The following RALGAPA1 variants were observed in gnomAD, a reference collection of about 807,000 sequenced individuals.
RALGAPA1 encodes ral GTPase-activating protein subunit alpha-1.
Under a neutral mutation model 269.6 loss-of-function variants are expected in RALGAPA1, and 52 were observed. That is an observed-to-expected ratio of 0.19 (90% confidence interval 0.15 to 0.24). The LOEUF is 0.24. Ranked by LOEUF, RALGAPA1 falls within the 10% of genes least tolerant of loss-of-function variation. RALGAPA1 has a pLI of 1.00. For missense variants in RALGAPA1, 1,917 were observed against 3,013.9 expected (o/e 0.64, Z 8.52); for synonymous variants, 817 against 1,008.3 (o/e 0.81, Z 3.60).
chr14:35,589,234 C>T (rs943669144), intron 37 of RALGAPA1, among the ~76,000 whole-genome samples: 2 of 152,020 alleles, frequency 1.3e-5, no homozygotes, highest in Non-Finnish European at 2.9e-5. Flanking sequence ...TTTCCTTAAA[C>T]GGAGAGAGTC....
At chr14:35,710,066 C>T (rs148896746) in intron 16 of RALGAPA1, among the ~76,000 whole-genome samples, 6 of 152,276 alleles carry the variant, frequency 3.9e-5, no homozygotes, top group African/African-American at 1.4e-4. Context: ...GTGCTATTCA[C>T]TTCATTTATG....
chr14:35,585,769 T>G (rs1405565040), intron 37 of RALGAPA1, among the ~76,000 whole-genome samples: 1 of 152,136 alleles, frequency 6.6e-6, no homozygotes, highest in East Asian at 1.9e-4. Context: ...TGTAGATGTG[T>G]GGTTTTATTT....
intron 36 of RALGAPA1, among the ~76,000 whole-genome samples, chr14:35,603,318 T>C (rs1323216158): frequency 6.6e-6 from 1 of 152,128 alleles, no homozygotes; most frequent in Non-Finnish European, 1.5e-5. Flanking sequence ...CTTAGGATGT[T>C]TTTTATACTT....
chr14:35,605,714 A>C lies in RALGAPA1; in HGVS notation c.6930-5T>G. On this transcript the variant is annotated splice_region_variant and splice_polypyrimidine_tract_variant and intron_variant, in intron 35 of 41. Coordinates refer to ENST00000680220, the MANE Select transcript of RALGAPA1 (RefSeq NM_001346249.2). Reference sequence around the variant, plus strand: ...GCAATCTTGTGTGTCTCTCGGCTATAAAACAAAAGATTACACCATTAATTT... The same window carrying C: ...GCAATCTTGTGTGTCTCTCGGCTATCAAACAAAAGATTACACCATTAATTT... The C allele has an allele frequency of 1.4e-5, 22 of 1,603,598 alleles. No individual in the cohort carries two copies. The highest frequency in any genetic ancestry group is 1.9e-5 in the Non-Finnish European group (22 of 1,177,402).
At chr14:35,588,186 C>T (rs1288947337) in intron 37 of RALGAPA1, among the ~76,000 whole-genome samples, 1 of 152,246 alleles carries the variant, frequency 6.6e-6, no homozygotes, top group South Asian at 2.1e-4. Context: ...GCCTCAGCCT[C>T]CCAAAGTGCT....
intron 27 of RALGAPA1, among the ~76,000 whole-genome samples, chr14:35,662,570 G>GT (rs917476650): frequency 9.9e-5 from 15 of 152,090 alleles, no homozygotes; most frequent in Middle Eastern, 3.2e-3. Context: ...ATTTGTTGTT[G>GT]TTTTTAATCA....
At chr14:35,631,930 G>A (rs1409405919) in intron 33 of RALGAPA1, among the ~76,000 whole-genome samples, 2 of 152,104 alleles carry the variant, frequency 1.3e-5, no homozygotes, top group Non-Finnish European at 2.9e-5. Flanking sequence ...TCGAAGCTCA[G>A]GTACCAGAGT....
At chr14:35,714,813 T>C (rs1412691879) in intron 16 of RALGAPA1, among the ~76,000 whole-genome samples, 3 of 152,238 alleles carry the variant, frequency 2.0e-5, no homozygotes, top group Non-Finnish European at 2.9e-5. Flanking sequence ...CAAAGTATTT[T>C]AAGCTTTTGT....
At chr14:35,593,442 C>T (rs2058750400) in intron 37 of RALGAPA1, among the ~76,000 whole-genome samples, 1 of 152,040 alleles carries the variant, frequency 6.6e-6, no homozygotes, top group Non-Finnish European at 1.5e-5. Flanking sequence ...CCCATAAAAA[C>T]TCCAATGGCA....
At chr14:35,594,601 CT>C (rs1267106570) in intron 37 of RALGAPA1, among the ~76,000 whole-genome samples, 1 of 151,740 alleles carries the variant, frequency 6.6e-6, no homozygotes, top group Non-Finnish European at 1.5e-5. Context: ...TGAGATATCA[CT>C]TTATACTCAT....
chr14:35,589,047 A>G (rs2058477566), intron 37 of RALGAPA1, among the ~76,000 whole-genome samples: 1 of 152,200 alleles, frequency 6.6e-6, no homozygotes, highest in Non-Finnish European at 1.5e-5. Flanking sequence ...GGAATCTAAA[A>G]AAGTTGAATT....
intron 31 of RALGAPA1, 36 bp downstream of exon 31, chr14:35,651,769 A>G: frequency 6.5e-7 from 1 of 1,537,738 alleles, no homozygotes; most frequent in Non-Finnish European, 8.7e-7. Context: ...TTTACTAAAT[A>G]ACCACATACT....
At chr14:35,624,289 TA>T (rs1566854380) in intron 35 of RALGAPA1, among the ~76,000 whole-genome samples, 1 of 149,944 alleles carries the variant, frequency 6.7e-6, no homozygotes, top group African/African-American at 2.5e-5. Flanking sequence ...ACCAAATAAT[TA>T]TTTTTAAGAT....
chr14:35,599,716 C>T (rs2059156778), intron 36 of RALGAPA1, among the ~76,000 whole-genome samples: 1 of 152,154 alleles, frequency 6.6e-6, no homozygotes, highest in Non-Finnish European at 1.5e-5. Context: ...CATGCCACTG[C>T]ACTCCAGCCT....
chr14:35,638,176 A>G (rs1246801366), intron 31 of RALGAPA1, among the ~76,000 whole-genome samples: 3 of 152,210 alleles, frequency 2.0e-5, no homozygotes, highest in Non-Finnish European at 2.9e-5. Context: ...ACAGAATACT[A>G]TAACGCTGTA....
chr14:35,781,907 A>G (rs563002369), intron 1 of RALGAPA1, among the ~76,000 whole-genome samples: 1 of 152,316 alleles, frequency 6.6e-6, no homozygotes, highest in South Asian at 2.1e-4. Flanking sequence ...CTTTACCCCT[A>G]AAAGCATGAA....
intron 4 of RALGAPA1, among the ~76,000 whole-genome samples, chr14:35,769,889 T>C (rs988520299): frequency 2.0e-5 from 3 of 152,098 alleles, no homozygotes; most frequent in African/African-American, 7.2e-5. Context: ...AAGAAGAAAA[T>C]GTTACCTACC....
chr14:35,780,879 C>G (rs1412982353), intron 1 of RALGAPA1, among the ~76,000 whole-genome samples: 2 of 152,094 alleles, frequency 1.3e-5, no homozygotes, highest in Non-Finnish European at 2.9e-5. Flanking sequence ...CTCAATTGAG[C>G]CCAGCAGTTT....
At chr14:35,801,249 AC>A (rs1338133583) in intron 1 of RALGAPA1, among the ~76,000 whole-genome samples, 3 of 107,518 alleles carry the variant, frequency 2.8e-5, no homozygotes, top group African/African-American at 2.0e-4. Flanking sequence ...ACACAGACAC[AC>A]ACACACACAC....
Sources: gnomAD v4.1 joint callset for allele counts (sites outside exome capture counted in the v4.1 genomes callset) on GRCh38, gnomAD v4.1.1 for gene constraint, MANE v1.5 for transcripts, NCBI Gene and HGNC (gene_info 2026-07-23, HGNC 2026-07-21) for gene names.